Variants in CREB3L2 observed in about 807,000 individuals in gnomAD.
CREB3L2 encodes the protein cyclic AMP-responsive element-binding protein 3-like protein 2.
Under a neutral mutation model 57.2 loss-of-function variants are expected in CREB3L2, and 23 were observed. The ratio of observed to expected loss-of-function variants is 0.40; its 90% CI spans 0.29 to 0.57. The LOEUF is 0.57. Ranked by LOEUF, CREB3L2 falls within the 20% of genes least tolerant of loss-of-function variation. The probability of loss-of-function intolerance (pLI) is 0.42; values close to 1 mark genes in which losing one functional copy is unlikely to be tolerated. For missense variants in CREB3L2, 628 were observed against 634.7 expected, an observed-to-expected ratio of 0.99 and a Z score of 0.11; for synonymous variants, 268 against 265.1, an observed-to-expected ratio of 1.01 and a Z score of -0.11.
chr7:137,912,836 A>G (rs1484742791), intron 4 of CREB3L2, 155 bp downstream of exon 4: 1 of 1,525,876 alleles, frequency 6.6e-7, no homozygotes, highest in South Asian at 1.2e-5. Context: ...TTTATTTGGA[A>G]GCAAAATTTT....
At chr7:137,971,946 T>C (rs896621841) in intron 1 of CREB3L2, among the ~76,000 whole-genome samples, 1 of 141,634 alleles carries the variant, frequency 7.1e-6, no homozygotes, top group African/African-American at 2.8e-5. Context: ...AAAAAAAAAA[T>C]AATGGCTAAG....
rs368744690 is a variant in CREB3L2 at position 137,995,289 on chromosome 7, A to C, written c.102+6315T>G. Among the ~76,000 whole-genome samples, 108 of 151,378 alleles carry C rather than the reference A, an allele frequency of 7.1e-4. No individual in the cohort carries two copies. The Middle Eastern group carries it at 0.014, about 19-fold the overall frequency. On this transcript the variant is annotated intron_variant, in intron 1 of 11. Coordinates refer to ENST00000330387, the MANE Select transcript of CREB3L2 (RefSeq NM_194071.4). The stretch of plus-strand genomic sequence containing the variant: ...ACCAAGGTCCATTGAGGAACTGCTG[A>C]ATCAGCCAACAAGGAGCTCTATTTC...
chr7:137,886,126 G>C (rs1302954978), intron 8 of CREB3L2, among the ~76,000 whole-genome samples: 2 of 152,190 alleles, frequency 1.3e-5, no homozygotes. Context: ...AGAACTGTAA[G>C]AGATCAATTT....
Position 137,946,766 on chromosome 7 carries a change from TTAGTTATCTATA to T in CREB3L2, c.103-18412_103-18401del, listed in dbSNP as rs1229599255. ...AGTTTTTTATAGTTATCTATATAGT[TTAGTTATCTATA>T]TAGTTATCTATATAGTTATATATAG... On this transcript the variant is annotated intron_variant, in intron 1 of 11. Transcript: ENST00000330387. 1.3e-4 allele frequency among the ~76,000 whole-genome samples: 5 copies of T among 38,824 alleles called. 1 individual carries two copies. The highest frequency in any genetic ancestry group is 3.1e-4 in the Non-Finnish European group (5 of 16,300). 25.5% of individuals were successfully genotyped at this position (38,824 alleles called of 152,430 possible). A position where few individuals can be genotyped will look rare whatever the true frequency, so the allele number is the denominator to read the frequency against.
At chr7:137,925,379 T>G (rs1046859906) in intron 2 of CREB3L2, among the ~76,000 whole-genome samples, 1 of 152,194 alleles carries the variant, frequency 6.6e-6, no homozygotes, top group African/African-American at 2.4e-5. Context: ...CCAGGTATAA[T>G]GAAATATTAA....
chr7:137,956,664 G>A, intron 1 of CREB3L2: 1 of 1,280,872 alleles, frequency 7.8e-7, no homozygotes, highest in Non-Finnish European at 1.0e-6. Flanking sequence ...TATTGAAACA[G>A]CACAATTTAA....
chr7:138,000,758 G>A (rs1248515881), intron 1 of CREB3L2, among the ~76,000 whole-genome samples: 3 of 151,336 alleles, frequency 2.0e-5, no homozygotes, highest in African/African-American at 4.8e-5. Context: ...AAAGTCCTAT[G>A]ATCAGTGCTG....
rs7804049 is a variant in CREB3L2, at chr7:137,901,098, A to C, written c.1043+256T>G. Among the ~76,000 whole-genome samples, 13,563 of 152,004 alleles carry C rather than the reference A, an allele frequency of 0.089. 1,778 individuals are homozygous for C. The highest frequency in any genetic ancestry group is 0.29 in the African/African-American group (11,936 of 41,444). On this transcript the variant is annotated intron_variant, in intron 8 of 11. Coordinates refer to ENST00000330387, the MANE Select transcript of CREB3L2 (RefSeq NM_194071.4). ...TGTATGTGCATATGAGAGTGTGTAC[A>C]TATGTGTATTGTGGATGTGAACATG...
At chr7:137,946,832 A>ATAGTTATC (rs1563262235) in intron 1 of CREB3L2, among the ~76,000 whole-genome samples, 3 of 52,814 alleles carry the variant, frequency 5.7e-5, no homozygotes, top group African/African-American at 5.2e-4. Context: ...ATAGTTATCT[A>ATAGTTATC]TATATAGTTA....
At chr7:137,926,124 C>T (rs1333098465) in intron 2 of CREB3L2, among the ~76,000 whole-genome samples, 1 of 152,206 alleles carries the variant, frequency 6.6e-6, no homozygotes, top group Non-Finnish European at 1.5e-5. Context: ...CACTTTTACA[C>T]TGTTGGTGGG....
chr7:137,927,408 G>C (rs986922745), intron 2 of CREB3L2, among the ~76,000 whole-genome samples: 1 of 140,152 alleles, frequency 7.1e-6, no homozygotes, highest in South Asian at 2.4e-4. Flanking sequence ...GGAAGGAAGG[G>C]AAGGGAAGGG....
chr7:137,925,437 A>T (rs1237372241), intron 2 of CREB3L2, among the ~76,000 whole-genome samples: 2 of 152,216 alleles, frequency 1.3e-5, no homozygotes, highest in Non-Finnish European at 2.9e-5. Flanking sequence ...TGCTTAAGCT[A>T]TTATCACCAT....
intron 11 of CREB3L2, 89 bp downstream of exon 11, chr7:137,882,323 G>A: frequency 1.0e-6 from 1 of 955,588 alleles, no homozygotes; most frequent in Non-Finnish European, 1.6e-6. Flanking sequence ...CCAGGCCTAT[G>A]GAGAGTCTCA....
intron 1 of CREB3L2, among the ~76,000 whole-genome samples, chr7:137,992,877 A>C (rs112191789): frequency 1.3e-5 from 2 of 152,270 alleles, no homozygotes; most frequent in African/African-American, 2.4e-5. Context: ...AGCCAGGGAG[A>C]GGTTGAGCAG....
rs148788017 is a variant in CREB3L2, at chr7:137,887,952, A to C, written c.1044-2450T>G. ...TTAAATGTATTCAGGTACAATTTTT[A>C]TTTTTCTTTTTTTTCCTGGAGATAA... On this transcript the variant is annotated intron_variant, in intron 8 of 11. Coordinates refer to ENST00000330387, the MANE Select transcript of CREB3L2 (RefSeq NM_194071.4). Among the ~76,000 whole-genome samples, 551 of 152,046 alleles carry C rather than the reference A, an allele frequency of 3.6e-3. 2 individuals carry two copies. The highest frequency in any genetic ancestry group is 0.013 in the African/African-American group (521 of 41,470).
At chr7:137,936,669 G>A (rs1487980208) in intron 1 of CREB3L2, among the ~76,000 whole-genome samples, 1 of 152,104 alleles carries the variant, frequency 6.6e-6, no homozygotes, top group Admixed American at 6.6e-5. Flanking sequence ...CACAAACACA[G>A]CCCAGCATTT....
chr7:137,878,927 GGGAGAGAGAGAA>G lies in CREB3L2; in HGVS notation c.*1537_*1548del, dbSNP rs988483695. Reference sequence around the variant, plus strand: ...GACGTGTGTGGGGGTGGGTGGTGGGGGGAGAGAGAGAAGGAGAGACAGAGAGAGAGAGGGAGA... The same window carrying G: ...GACGTGTGTGGGGGTGGGTGGTGGGGGGAGAGACAGAGAGAGAGAGGGAGA... On this transcript the variant is annotated 3_prime_UTR_variant, in exon 12 of 12. Transcript: ENST00000330387. 6 of 402,388 alleles carry G rather than the reference GGGAGAGAGAGAA, an allele frequency of 1.5e-5. No individual in the cohort carries two copies. The highest frequency in any genetic ancestry group is 1.2e-4 in the African/African-American group (6 of 48,904). The allele number at this position is 402,388 out of a possible 1,614,324, so 24.9% of individuals were successfully genotyped here.
intron 6 of CREB3L2, 43 bp from the exon 7 acceptor site, chr7:137,904,060 T>G: frequency 2.0e-6 from 3 of 1,529,724 alleles, no homozygotes; most frequent in Non-Finnish European, 2.7e-6. Flanking sequence ...TTTCCAGCTC[T>G]GTAAGTAAAC....
chr7:137,956,294 A>G (rs1801208918), intron 1 of CREB3L2, among the ~76,000 whole-genome samples: 1 of 152,256 alleles, frequency 6.6e-6, no homozygotes, highest in Non-Finnish European at 1.5e-5. Context: ...CATTTTCATT[A>G]TAGAGCATTT....
Sources: allele counts gnomAD v4.1 joint callset (sites outside exome capture counted in the v4.1 genomes callset), GRCh38; gene constraint gnomAD v4.1.1; transcripts MANE v1.5; gene names NCBI Gene and HGNC (gene_info 2026-07-23, HGNC 2026-07-21).